The following METTL23 variants were observed in gnomAD, a reference collection of about 807,000 sequenced individuals.
METTL23 encodes histone-arginine methyltransferase METTL23.
In METTL23, 24 loss-of-function variants were observed where a neutral mutation model predicts 21.2. That is an observed-to-expected ratio of 1.13 (90% confidence interval 0.82 to 1.59). The LOEUF (loss-of-function observed/expected upper bound fraction) is 1.59. Ranked by LOEUF, METTL23 falls within the 40% of genes most tolerant of loss-of-function variation. The probability of loss-of-function intolerance (pLI) is 0.00; values close to 1 mark genes in which losing one functional copy is unlikely to be tolerated. For synonymous variants in METTL23, 97 were observed against 75.2 expected (o/e 1.29, Z -1.50); for missense variants, 276 against 221.4 (o/e 1.25, Z -1.57).
intron 2 of METTL23, 128 bp downstream of exon 2, chr17:76,729,922 G>A (rs1454898021): frequency 2.9e-6 from 2 of 680,136 alleles, no homozygotes; most frequent in Admixed American, 2.5e-5. Context: ...TAGTTTGTAA[G>A]GTCTGTGAGC....
At chr17:76,728,975 T>G (rs1265466941) in intron 1 of METTL23, among the ~76,000 whole-genome samples, 1 of 151,336 alleles carries the variant, frequency 6.6e-6, no homozygotes, top group Non-Finnish European at 1.5e-5. Context: ...TTTGTATTTT[T>G]AGTGGAGTAG....
chr17:76,727,226 T>C, intron 1 of METTL23, 48 bp downstream of exon 1: 1 of 360,150 alleles, frequency 2.8e-6, no homozygotes, highest in Middle Eastern at 1.0e-3. Context: ...CAGGAGCGGA[T>C]GTCGGCTGAC....
chr17:76,727,812 C>A (rs1405126200), intron 1 of METTL23, among the ~76,000 whole-genome samples: 4 of 152,214 alleles, frequency 2.6e-5, no homozygotes, highest in Non-Finnish European at 5.9e-5. Context: ...CTCACTGCAA[C>A]CTCCAACTCC....
In METTL23 at chr17:76,733,369, A is replaced by G. The variant is rs764513820; in HGVS notation, c.399A>G (p.Gln133=). The G allele has an allele frequency of 6.2e-7, 1 of 1,613,906 alleles. No homozygotes were observed. Among genetic ancestry groups the G allele is most frequent in the Non-Finnish European group, 8.5e-7 (1 of 1,179,834 alleles). The change falls in exon 4 of 5, where the codon CAA becomes CAG. Residue 133 remains glutamine, a synonymous_variant. Transcript: ENST00000341249. ...NPKVQLWSTY[Q]VRSADWSLEA... ...AGGTCCAATTGTGGTCTACTTATCA[A>G]GTTAGGAGGCAAGTATGGATGACCC...
chr17:76,729,583 G>A (rs1422736296), intron 1 of METTL23, 107 bp from the exon 2 acceptor site: 2 of 720,308 alleles, frequency 2.8e-6, no homozygotes, highest in South Asian at 3.4e-5. Flanking sequence ...GGTGAACAGG[G>A]CTGCCATTTT....
rs2077112845 is a variant in METTL23, at chr17:76,729,678, C to T, written c.-21-12C>T. On this transcript the variant is annotated splice_polypyrimidine_tract_variant and intron_variant, in intron 1 of 4. Transcript: ENST00000341249. Reference sequence around the variant, plus strand: ...CTAAATTATTTATGGCACACAAAAACATTCTTTTCAGGTCCTGCATCTCCA... The same window carrying T: ...CTAAATTATTTATGGCACACAAAAATATTCTTTTCAGGTCCTGCATCTCCA... 2 of 1,522,402 alleles carry T rather than the reference C, an allele frequency of 1.3e-6. No homozygotes were observed. Among genetic ancestry groups the T allele is most frequent in the Non-Finnish European group, 1.8e-6 (2 of 1,116,216 alleles). 94.3% of individuals were successfully genotyped at this position (1,522,402 alleles called of 1,614,324 possible).
At position 76,733,666 on chromosome 17, in the gene METTL23, T is replaced by G. The variant is rs15184; in HGVS notation, c.553T>G (p.Phe185Val). The change falls in exon 5 of 5, where the codon TTT becomes GTT. Residue 185 changes from phenylalanine to valine, a missense_variant. Phe to Val is a conservative substitution (Grantham distance 50, BLOSUM62 -1). Transcript: ENST00000341249. ...TACAGTTGAAATGCTGGTCATTTCC[T>G]TTGCAAAGGACAGTCTCTGAATTAT... is the stretch of plus-strand genomic sequence containing the variant. Reference protein sequence around the residue: ...RHTVEMLVISFAKDSL With the variant: ...RHTVEMLVISVAKDSL 1 of 1,613,436 alleles carries G rather than the reference T, an allele frequency of 6.2e-7. No homozygotes were observed. The highest frequency in any genetic ancestry group is 2.2e-5 in the East Asian group (1 of 44,868).
Position 76,732,163 on chromosome 17 carries a change from G to A in METTL23, c.85-815G>A, listed in dbSNP as rs568601896. ...ACTTGAGGTCAGGAGTTCAAGACCA[G>A]CCTGGCCAACATGGTGAAACCCAGT... On this transcript the variant is annotated intron_variant, in intron 2 of 4. Coordinates refer to ENST00000341249, the MANE Select transcript of METTL23 (RefSeq NM_001080510.5). Among the ~76,000 whole-genome samples, 63 of 146,286 alleles carry A rather than the reference G, an allele frequency of 4.3e-4. 2 individuals are homozygous for A. In the South Asian group the frequency reaches 0.011, roughly 25 times the overall value.
intron 2 of METTL23, among the ~76,000 whole-genome samples, chr17:76,730,664 A>G (rs917098706): frequency 1.2e-4 from 19 of 152,218 alleles, no homozygotes; most frequent in African/African-American, 4.6e-4. Flanking sequence ...GTGGCTTACA[A>G]ATAACAGAAA....
chr17:76,727,406 G>A (rs1568007089), intron 1 of METTL23: 1 of 294,148 alleles, frequency 3.4e-6, no homozygotes, highest in Non-Finnish European at 6.8e-6. Flanking sequence ...TCACTATGTT[G>A]GTCAGGCTGG....
At position 76,729,764 on chromosome 17, in the gene METTL23, A is replaced by G. The variant is rs766331837; in HGVS notation, c.54A>G (p.Arg18=). ...VVLAQYLWFH[R]RSLPGKAILE... ...TGGCCCAGTACCTTTGGTTTCACAG[A>G]AGATCTCTGCCAGGCAAGGCCATCT... Residue 18 remains arginine, a synonymous_variant, in exon 2 of 5, where the codon AGA becomes AGG. Transcript: ENST00000341249. 6.3e-7 allele frequency: 1 copy of G among 1,597,280 alleles called. No individual in the cohort carries two copies. The highest frequency in any genetic ancestry group is 8.5e-7 in the Non-Finnish European group (1 of 1,170,712).
chr17:76,730,149 G>A (rs577146645), intron 2 of METTL23, among the ~76,000 whole-genome samples: 1 of 151,930 alleles, frequency 6.6e-6, no homozygotes, highest in African/African-American at 2.4e-5. Context: ...AAAAGTAGCC[G>A]GGCCTGGTGG....
Position 76,729,770 on chromosome 17 carries a change from T to C in METTL23, c.60T>C (p.Ser20=). 6.3e-7 allele frequency: 1 copy of C among 1,595,604 alleles called. No homozygotes were observed. Among genetic ancestry groups the C allele is most frequent in the Non-Finnish European group, 8.5e-7 (1 of 1,169,672 alleles). ...LAQYLWFHRR[S]LPGKAILEIG... ...AGTACCTTTGGTTTCACAGAAGATC[T>C]CTGCCAGGCAAGGCCATCTTAGAGG... The change falls in exon 2 of 5, where the codon TCT becomes TCC. Residue 20 remains serine (S), a synonymous_variant. Coordinates refer to ENST00000341249, the MANE Select transcript of METTL23 (RefSeq NM_001080510.5).
Position 76,733,151 on chromosome 17 carries a change from G to A in METTL23, c.258G>A (p.Trp86Ter), listed in dbSNP as rs1176725342. ...VVGLTWGHIS[W>*]DLLALPPQDI... ...GACTAACATGGGGTCATATATCTTGGGATCTTCTGGCTCTACCACCACAAG... is the reference window on the plus strand; with the variant it reads ...GACTAACATGGGGTCATATATCTTGAGATCTTCTGGCTCTACCACCACAAG... Residue 86 changes from tryptophan to a stop codon, truncating the protein, a stop_gained, in exon 3 of 5, where the codon TGG (tryptophan) becomes TGA (stop). Transcript: ENST00000341249. LOFTEE classifies it high-confidence loss of function. 1.2e-6 allele frequency: 2 copies of A among 1,613,810 alleles called. No homozygotes were observed. Among genetic ancestry groups the A allele is most frequent in the Non-Finnish European group, 8.5e-7 (1 of 1,179,834 alleles).
In METTL23 at chr17:76,733,062, C is replaced by T; in HGVS notation, c.169C>T (p.His57Tyr). 6.2e-7 allele frequency: 1 copy of T among 1,606,862 alleles called. No individual in the cohort carries two copies. The highest frequency in any genetic ancestry group is 2.2e-5 in the East Asian group (1 of 44,726). Residue 57 changes from histidine to tyrosine, a missense_variant, in exon 3 of 5, where the codon CAC becomes TAC. Coordinates refer to ENST00000341249, the MANE Select transcript of METTL23 (RefSeq NM_001080510.5). ...VILSDSSELP[H>Y]CLEVCRQSCQ... The stretch of plus-strand genomic sequence containing the variant: ...ACTGTCAGACAGCTCAGAACTGCCT[C>T]ACTGTCTGGAAGTCTGTCGGCAAAG...
chr17:76,731,333 T>C (rs2077199418), intron 2 of METTL23, among the ~76,000 whole-genome samples: 1 of 152,190 alleles, frequency 6.6e-6, no homozygotes, highest in South Asian at 2.1e-4. Flanking sequence ...AGGATGAAAG[T>C]CCTTACAGGT....
intron 2 of METTL23, among the ~76,000 whole-genome samples, chr17:76,731,078 GC>G (rs1345414572): frequency 6.6e-6 from 1 of 151,572 alleles, no homozygotes; most frequent in African/African-American, 2.4e-5. Flanking sequence ...CTGCACTCCA[GC>G]CTGGGCGACA....
intron 2 of METTL23, among the ~76,000 whole-genome samples, chr17:76,730,288 C>G (rs1224133561): frequency 7.6e-6 from 1 of 130,912 alleles, no homozygotes; most frequent in Non-Finnish European, 1.6e-5. Context: ...GACTCCATCT[C>G]AAAAAAAAAA....
rs1218874575 is a variant in METTL23 at position 76,726,843 on chromosome 17, C to T, written c.-357C>T. ...CGCGCTGCCGCTGTGCCCATCACTT[C>T]CGGTCGCGCCAGCCGCCCGTTGCCA... On this transcript the variant is annotated 5_prime_UTR_variant, in exon 1 of 5. Transcript: ENST00000341249. The T allele has an allele frequency of 1.2e-5, 5 of 425,502 alleles. No individual in the cohort carries two copies. Among genetic ancestry groups the T allele is most frequent in the Admixed American group, 2.5e-5 (1 of 39,976 alleles). 26.4% of individuals were successfully genotyped at this position (425,502 alleles called of 1,614,324 possible).
Sources: gnomAD v4.1 joint callset for allele counts (sites outside exome capture counted in the v4.1 genomes callset) on GRCh38, gnomAD v4.1.1 for gene constraint, MANE v1.5 for transcripts, NCBI Gene and HGNC (gene_info 2026-07-23, HGNC 2026-07-21) for gene names.